Variants in WFS1 observed in about 807,000 individuals in gnomAD.
WFS1 encodes the protein wolframin ER transmembrane glycoprotein.
A neutral mutation model predicts 68.5 loss-of-function variants in WFS1; 90 were observed. The ratio of observed to expected loss-of-function variants is 1.31; its 90% CI spans 1.11 to 1.56. WFS1 has a LOEUF of 1.56. WFS1 is among the 40% of genes most tolerant of loss of function. WFS1 has a pLI of 0.00. For missense variants in WFS1, 1,767 were observed against 1,232.6 expected, an observed-to-expected ratio of 1.43 and a Z score of -6.49; for synonymous variants, 860 against 540.7, an observed-to-expected ratio of 1.59 and a Z score of -8.19.
chr4:6,270,724 G>A lies in WFS1; in HGVS notation c.-6+710G>A, dbSNP rs1729811784. On this transcript the variant is annotated intron_variant, in intron 1 of 7. Transcript: ENST00000226760. Reference sequence around the variant, plus strand: ...AGAATCCTACCCAGCCCTTTTGGATGTGATGGCGCCCTGGCCTCTCACCCA... The same window carrying A: ...AGAATCCTACCCAGCCCTTTTGGATATGATGGCGCCCTGGCCTCTCACCCA... Among the ~76,000 whole-genome samples the A allele has an allele frequency of 2.0e-5, 3 of 152,350 alleles. No homozygotes were observed. The South Asian group carries it at 6.2e-4, about 32-fold the overall frequency.
intron 7 of WFS1, among the ~76,000 whole-genome samples, chr4:6,299,540 T>A (rs1271943419): frequency 2.3e-5 from 1 of 43,738 alleles, no homozygotes; most frequent in African/African-American, 1.1e-4. Context: ...TAGGGGTGGG[T>A]TGTGTGAATG....
chr4:6,281,733 C>T (rs10028875), intron 2 of WFS1, among the ~76,000 whole-genome samples: 109,635 of 151,950 alleles, frequency 0.72, 40,150 homozygotes, highest in East Asian at 1. Context: ...GGGACAGGCA[C>T]AGCAGGAGGT....
At position 6,293,155 on chromosome 4, in the gene WFS1, G is replaced by GCCTGGGTCTCCAT. The variant is rs371108808; in HGVS notation, c.712+1165_712+1177dup. Among the ~76,000 whole-genome samples, 392 of 152,316 alleles carry GCCTGGGTCTCCAT rather than the reference G, an allele frequency of 2.6e-3. 3 individuals are homozygous for GCCTGGGTCTCCAT. The highest frequency in any genetic ancestry group is 9.0e-3 in the African/African-American group (375 of 41,570). Reference sequence around the variant, plus strand: ...GGTGCCTCTGGGCAGGAGCAGCCCAGCCTGGGTCTCCATCCTGGGGGGCAC... The same window carrying GCCTGGGTCTCCAT: ...GGTGCCTCTGGGCAGGAGCAGCCCAGCCTGGGTCTCCATCCTGGGTCTCCATCCTGGGGGGCAC... On this transcript the variant is annotated intron_variant, in intron 6 of 7. Coordinates refer to ENST00000226760, the MANE Select transcript of WFS1 (RefSeq NM_006005.3).
chr4:6,301,201 C>T lies in WFS1; in HGVS notation c.1406C>T (p.Ser469Leu), dbSNP rs571306161. 136 of 1,612,200 alleles carry T rather than the reference C, an allele frequency of 8.4e-5. 3 individuals carry two copies. The South Asian group carries it at 1.0e-3, about 12-fold the overall frequency. ...LATEVTAGLL[S>L]LLPSMPLNWP... is the part of the protein sequence containing the mutation. ...ACCGAGGTCACCGCCGGCCTGCTAT[C>T]GCTGCTGCCCTCCATGCCCTTGAAT... The change falls in exon 8 of 8, where the codon TCG (serine) becomes TTG (leucine). Residue 469 changes from serine (S) to leucine (L), a missense_variant. By Grantham distance (145) the Ser-to-Leu change is moderately radical. Coordinates refer to ENST00000226760, the MANE Select transcript of WFS1 (RefSeq NM_006005.3).
chr4:6,291,287 A>T lies in WFS1; in HGVS notation c.551A>T (p.Tyr184Phe). The change falls in exon 5 of 8, where the codon TAC becomes TTC. Residue 184 changes from tyrosine (Y) to phenylalanine (F), a missense_variant. Tyr to Phe is a conservative substitution (Grantham distance 22). Coordinates refer to ENST00000226760, the MANE Select transcript of WFS1 (RefSeq NM_006005.3). ...GTGCGCAAGGCAGCCCTGGTCATGT[A>T]CTGGAAGCTCAACCCCAAGAAGAAG... ...RAVRKAALVM[Y>F]WKLNPKKKKQ... 1 of 1,613,260 alleles carries T rather than the reference A, an allele frequency of 6.2e-7. No individual in the cohort carries two copies. Among genetic ancestry groups the T allele is most frequent in the South Asian group, 1.1e-5 (1 of 91,054 alleles).
In WFS1 at chr4:6,293,663, T is replaced by C. The variant is rs184179861; in HGVS notation, c.713-1378T>C. Among the ~76,000 whole-genome samples the C allele has an allele frequency of 2.0e-4, 31 of 152,298 alleles. No individual in the cohort carries two copies. The East Asian group carries it at 6.0e-3, about 29-fold the overall frequency. ...CCTTGCTGCCACACTGGCTGCTCCT[T>C]CTTGGGGTCCCTAGACTGATGTCCT... On this transcript the variant is annotated intron_variant, in intron 6 of 7. Transcript: ENST00000226760.
intron 1 of WFS1, among the ~76,000 whole-genome samples, chr4:6,270,824 A>C (rs903212339): frequency 6.6e-6 from 1 of 152,182 alleles, no homozygotes; most frequent in South Asian, 2.1e-4. Context: ...TAACCCTCTC[A>C]GTAGCCTTAG....
intron 7 of WFS1, among the ~76,000 whole-genome samples, chr4:6,298,443 C>G (rs1008219337): frequency 1.3e-5 from 2 of 152,248 alleles, no homozygotes; most frequent in Admixed American, 1.3e-4. Context: ...TTGTTGACCC[C>G]AGAGAGAGCT....
At position 6,283,344 on chromosome 4, in the gene WFS1, C is replaced by A. The variant is rs570594499; in HGVS notation, c.233-3749C>A. On this transcript the variant is annotated intron_variant, in intron 2 of 7. Coordinates refer to ENST00000226760, the MANE Select transcript of WFS1 (RefSeq NM_006005.3). This position sits in a 1 kb window ranked among gnomAD's most constrained non-coding sequence, Gnocchi z 5.0. The stretch of plus-strand genomic sequence containing the variant: ...TCAAAGAATGAGTTAGATTCAGGAC[C>A]CTTTTAGTTGTAAGTGACAAAATCT... 4.6e-5 allele frequency among the ~76,000 whole-genome samples: 7 copies of A among 152,092 alleles called. No homozygotes were observed. Among genetic ancestry groups the A allele is most frequent in the African/African-American group, 1.7e-4 (7 of 41,400 alleles).
intron 5 of WFS1, 121 bp from the exon 6 acceptor site, chr4:6,291,796 A>C: frequency 9.2e-7 from 1 of 1,086,772 alleles, no homozygotes; most frequent in Non-Finnish European, 1.4e-6. Context: ...TATGATCCCC[A>C]GAACGTAGGA....
At chr4:6,279,090 A>AT (rs1730081464) in intron 2 of WFS1, among the ~76,000 whole-genome samples, 1 of 152,166 alleles carries the variant, frequency 6.6e-6, no homozygotes, top group Admixed American at 6.5e-5. Context: ...GGCAGTGGGC[A>AT]TCCCGTCTCC....
intron 7 of WFS1, among the ~76,000 whole-genome samples, chr4:6,298,604 A>G (rs1479929658): frequency 6.6e-6 from 1 of 152,082 alleles, no homozygotes; most frequent in Non-Finnish European, 1.5e-5. Flanking sequence ...TTCTTCCATG[A>G]GCCTGTCCTT....
rs149013740 is a variant in WFS1, at chr4:6,301,990, G to A, written c.2195G>A (p.Arg732His). Reference sequence around the variant, plus strand: ...CCGTTCTTCATCGGCGACTGGATGCGCTGCCTCTACGGCGAGGCCTACCCT... The same window carrying A: ...CCGTTCTTCATCGGCGACTGGATGCACTGCCTCTACGGCGAGGCCTACCCT... ...MLPFFIGDWM[R>H]CLYGEAYPAC... The change falls in exon 8 of 8, where the codon CGC (arginine) becomes CAC (histidine). Residue 732 changes from arginine to histidine, a missense_variant. Arg to His is a conservative substitution (Grantham distance 29). Coordinates refer to ENST00000226760, the MANE Select transcript of WFS1 (RefSeq NM_006005.3). 304 of 1,612,566 alleles carry A rather than the reference G, an allele frequency of 1.9e-4. 2 individuals carry two copies. In the African/African-American group the frequency reaches 2.6e-3, roughly 14 times the overall value.
intron 4 of WFS1, among the ~76,000 whole-genome samples, chr4:6,290,980 C>T (rs186937248): frequency 2.7e-4 from 41 of 152,256 alleles, no homozygotes; most frequent in African/African-American, 9.4e-4. Flanking sequence ...CACTTGGGGG[C>T]GTCTGGTGGG....
At chr4:6,295,215 C>A (rs774054666) in intron 7 of WFS1, 26 bp downstream of exon 7, 14 of 1,609,780 alleles carry the variant, frequency 8.7e-6, no homozygotes, top group Middle Eastern at 2.2e-4. Context: ...CCCGGTCAGG[C>A]CGGAGCCTGC....
rs1730216415 is a variant in WFS1, at chr4:6,283,263, T to A, written c.233-3830T>A. Among the ~76,000 whole-genome samples the A allele has an allele frequency of 3.3e-5, 5 of 152,242 alleles. No individual in the cohort carries two copies. In the South Asian group the frequency reaches 8.3e-4, roughly 25 times the overall value. On this transcript the variant is annotated intron_variant, in intron 2 of 7. Transcript: ENST00000226760. The surrounding 1 kb of genome is among the most constrained non-coding windows in gnomAD (Gnocchi z 5.0). ...AGAACCTCACAGAGGGAAGGAGACC[T>A]GCCCATGGTATCCAGCTCTGATCAC...
In WFS1 at chr4:6,273,761, C is replaced by T. The variant is rs143181279; in HGVS notation, c.-5-3690C>T. 4.5e-3 allele frequency among the ~76,000 whole-genome samples: 684 copies of T among 152,320 alleles called. 4 individuals are homozygous for T. Among genetic ancestry groups the T allele is most frequent in the African/African-American group, 0.016 (655 of 41,578 alleles). ...GATCTTCATTGTCCCTGTGACCAAC[C>T]ATGACCAGGAATTGTTGTGCTTGTT... is the stretch of plus-strand genomic sequence containing the variant. On this transcript the variant is annotated intron_variant, in intron 1 of 7. Coordinates refer to ENST00000226760, the MANE Select transcript of WFS1 (RefSeq NM_006005.3).
chr4:6,300,648 T>A lies in WFS1; in HGVS notation c.862-9T>A, dbSNP rs1335747656. 1.2e-6 allele frequency: 2 copies of A among 1,613,834 alleles called. No individual in the cohort carries two copies. The highest frequency in any genetic ancestry group is 1.7e-6 in the Non-Finnish European group (2 of 1,179,900). ...CCAGCCTCGTTCCCACGTACCATCT[T>A]TCCCCCAGGTGGTCAAGTACCCCCT... On this transcript the variant is annotated splice_polypyrimidine_tract_variant and intron_variant, in intron 7 of 7. Coordinates refer to ENST00000226760, the MANE Select transcript of WFS1 (RefSeq NM_006005.3).
rs892926697 is a variant in WFS1 at position 6,283,668 on chromosome 4, A to C, written c.233-3425A>C. On this transcript the variant is annotated intron_variant, in intron 2 of 7. Transcript: ENST00000226760. This position sits in a 1 kb window ranked among gnomAD's most constrained non-coding sequence, Gnocchi z 5.0. ...GCACAAACTCCGCTGGGCTGTGTCC[A>C]TCCCTGAACCAGGTGCTGTAGTCAG... Among the ~76,000 whole-genome samples the C allele has an allele frequency of 6.6e-6, 1 of 152,198 alleles. No individual in the cohort carries two copies. The highest frequency in any genetic ancestry group is 2.4e-5 in the African/African-American group (1 of 41,452).
Sources: gnomAD v4.1 joint callset for allele counts (sites outside exome capture counted in the v4.1 genomes callset) on GRCh38, gnomAD v4.1.1 for gene constraint, Gnocchi (gnomAD v3.1) non-coding constraint, MANE v1.5 for transcripts, NCBI Gene and HGNC (gene_info 2026-07-23, HGNC 2026-07-21) for gene names.